Variants in PTPRD observed in about 807,000 individuals in gnomAD.
The protein encoded by PTPRD is protein tyrosine phosphatase receptor type D, also known as receptor-type tyrosine-protein phosphatase delta.
Under a neutral mutation model 214.5 loss-of-function variants are expected in PTPRD, and 34 were observed. That is an observed-to-expected ratio of 0.16 (90% confidence interval 0.12 to 0.21). The LOEUF (loss-of-function observed/expected upper bound fraction) is 0.21. Among genes scored for constraint, PTPRD ranks in the 10% least tolerant of loss-of-function variants. The probability of loss-of-function intolerance (pLI) is 1.00; values close to 1 mark genes in which losing one functional copy is unlikely to be tolerated. For synonymous variants in PTPRD, 1,128 were observed against 845.7 expected, an observed-to-expected ratio of 1.33 and a Z score of -5.79; for missense variants, 2,545 against 2,398.7, an observed-to-expected ratio of 1.06 and a Z score of -1.27.
At chr9:10,285,547 G>A (rs1381132768) in intron 3 of PTPRD, among the ~76,000 whole-genome samples, 1 of 150,874 alleles carries the variant, frequency 6.6e-6, no homozygotes, top group African/African-American at 2.4e-5. Flanking sequence ...GAACCCCAGT[G>A]CCATCACTAA....
At chr9:8,457,546 G>C (rs1485528818) in intron 33 of PTPRD, among the ~76,000 whole-genome samples, 1 of 151,972 alleles carries the variant, frequency 6.6e-6, no homozygotes, top group Non-Finnish European at 1.5e-5. Context: ...AGATCAAAGA[G>C]TATGCCATTT....
intron 12 of PTPRD, among the ~76,000 whole-genome samples, chr9:8,661,950 T>A (rs2154355058): frequency 6.6e-6 from 1 of 152,300 alleles, no homozygotes; most frequent in Admixed American, 6.5e-5. Context: ...ATTCATTCAT[T>A]CACTCATTCA....
intron 5 of PTPRD, among the ~76,000 whole-genome samples, chr9:9,911,401 A>T (rs887268062): frequency 2.0e-5 from 3 of 148,886 alleles, no homozygotes; most frequent in East Asian, 4.0e-4. Flanking sequence ...AACATTAGCC[A>T]CACCATAAAG....
chr9:9,511,981 G>C (rs1333879698), intron 8 of PTPRD, among the ~76,000 whole-genome samples: 1 of 151,640 alleles, frequency 6.6e-6, no homozygotes, highest in African/African-American at 2.4e-5. Flanking sequence ...CTAGGAAATA[G>C]GTCATAAATG....
At chr9:9,005,353 T>C (rs980503629) in intron 11 of PTPRD, among the ~76,000 whole-genome samples, 1 of 151,992 alleles carries the variant, frequency 6.6e-6, no homozygotes, top group Admixed American at 6.6e-5. Context: ...AAATAGCATG[T>C]GTAAGTGGAA....
At chr9:9,252,633 C>A (rs1163960627) in intron 9 of PTPRD, among the ~76,000 whole-genome samples, 1 of 151,960 alleles carries the variant, frequency 6.6e-6, no homozygotes, top group East Asian at 1.9e-4. Flanking sequence ...AGGTGCATAC[C>A]ACATGTCTGG....
At chr9:10,118,196 TTATCTATCTATCTATCTATC>T (rs56038500) in intron 3 of PTPRD, among the ~76,000 whole-genome samples, 3 of 148,828 alleles carry the variant, frequency 2.0e-5, no homozygotes, top group South Asian at 2.1e-4. Flanking sequence ...CTCACATTTA[TTATCTATCTATCTATCTATC>T]TATCTATCTA....
At chr9:8,870,640 T>G (rs1021285566) in intron 11 of PTPRD, among the ~76,000 whole-genome samples, 2 of 150,898 alleles carry the variant, frequency 1.3e-5, no homozygotes, top group Admixed American at 1.3e-4. Flanking sequence ...AGTTGGGCAC[T>G]TTTCTTCTCA....
intron 39 of PTPRD, among the ~76,000 whole-genome samples, chr9:8,363,596 T>C (rs900580588): frequency 2.0e-5 from 3 of 152,348 alleles, no homozygotes; most frequent in Admixed American, 2.0e-4. Context: ...GGTTTTGCTC[T>C]TCTCATCCAG....
chr9:8,350,970 T>C (rs1277707500), intron 39 of PTPRD, among the ~76,000 whole-genome samples: 1 of 152,084 alleles, frequency 6.6e-6, no homozygotes, highest in Admixed American at 6.6e-5. Flanking sequence ...ACTCTAGAAA[T>C]CTAGCACGGA....
chr9:9,589,297 A>C (rs2092455368), intron 7 of PTPRD, among the ~76,000 whole-genome samples: 1 of 152,040 alleles, frequency 6.6e-6, no homozygotes, highest in Non-Finnish European at 1.5e-5. Context: ...CTACATAGAA[A>C]ATTTAGATGT....
chr9:8,853,878 G>C (rs2097863143), intron 11 of PTPRD, among the ~76,000 whole-genome samples: 1 of 152,054 alleles, frequency 6.6e-6, no homozygotes, highest in Admixed American at 6.5e-5. Context: ...CTGAACAGTA[G>C]AAAGATGAAA....
intron 10 of PTPRD, among the ~76,000 whole-genome samples, chr9:9,150,843 G>T (rs1291427255): frequency 6.6e-6 from 1 of 152,124 alleles, no homozygotes; most frequent in Admixed American, 6.5e-5. Context: ...TTTTGGATGC[G>T]TGTGTTTGAT....
chr9:9,723,688 T>G (rs1166776729), intron 7 of PTPRD, among the ~76,000 whole-genome samples: 1 of 151,542 alleles, frequency 6.6e-6, no homozygotes, highest in African/African-American at 2.4e-5. Context: ...AGATCTTTGG[T>G]TTTCCCCATT....
rs369545359 is a variant in PTPRD at position 8,543,659 on chromosome 9, C to CAGA, written c.353-14883_353-14881dup. ...TGTTGTCATTTTTCCGGAATTAACTCAGAAGATAAAATATAATCAAGAATG... is the reference window on the plus strand; with the variant it reads ...TGTTGTCATTTTTCCGGAATTAACTCAGAAGAAGATAAAATATAATCAAGAATG... On this transcript the variant is annotated intron_variant, in intron 14 of 45. Transcript: ENST00000381196. Among the ~76,000 whole-genome samples the CAGA allele has an allele frequency of 3.5e-3, 531 of 152,306 alleles. 1 individual carries two copies. Among genetic ancestry groups the CAGA allele is most frequent in the African/African-American group, 4.5e-3 (185 of 41,560 alleles).
At chr9:10,042,635 T>C (rs991684491) in intron 3 of PTPRD, among the ~76,000 whole-genome samples, 1 of 151,808 alleles carries the variant, frequency 6.6e-6, no homozygotes, top group South Asian at 2.1e-4. Flanking sequence ...ATGATGCTGA[T>C]TGTGGAAGGT....
chr9:10,574,030 A>G (rs772886065), intron 2 of PTPRD, among the ~76,000 whole-genome samples: 2 of 152,188 alleles, frequency 1.3e-5, no homozygotes, highest in Non-Finnish European at 2.9e-5. Context: ...CCAAGGAAGA[A>G]TTCCGAATGT....
chr9:9,727,914 A>G (rs1209837036), intron 7 of PTPRD, among the ~76,000 whole-genome samples: 1 of 152,164 alleles, frequency 6.6e-6, no homozygotes, highest in Admixed American at 6.6e-5. Flanking sequence ...ATGTCCTGAT[A>G]TGATTTGGCT....
intron 2 of PTPRD, among the ~76,000 whole-genome samples, chr9:10,398,106 A>C (rs1027279779): frequency 1.3e-5 from 2 of 151,526 alleles, no homozygotes; most frequent in African/African-American, 4.8e-5. Context: ...AACCAGGTGC[A>C]GTGGGCTCAC....
Sources: gnomAD v4.1 joint callset for allele counts (sites outside exome capture counted in the v4.1 genomes callset) on GRCh38, gnomAD v4.1.1 for gene constraint, MANE v1.5 for transcripts, NCBI Gene and HGNC (gene_info 2026-07-23, HGNC 2026-07-21) for gene names.